Variants in WWP2 observed in about 807,000 individuals in gnomAD.
The protein encoded by WWP2 is WW domain containing E3 ubiquitin protein ligase 2, also known as NEDD4-like E3 ubiquitin-protein ligase WWP2.
In WWP2, 57 loss-of-function variants were observed where a neutral mutation model predicts 121.0. That is an observed-to-expected ratio of 0.47 (90% CI 0.38 to 0.59). WWP2 has a LOEUF of 0.59. WWP2 is among the 20% of genes least tolerant of loss of function. The probability of loss-of-function intolerance (pLI) is 0.00; values close to 1 mark genes in which losing one functional copy is unlikely to be tolerated. For missense variants in WWP2, 962 were observed against 1,158.9 expected (o/e 0.83, Z 2.47); for synonymous variants, 449 against 441.3 (o/e 1.02, Z -0.22).
intron 1 of WWP2, among the ~76,000 whole-genome samples, chr16:69,777,210 T>TACA: frequency 2.7e-5 from 4 of 148,476 alleles, no homozygotes; most frequent in African/African-American, 1.0e-4. Context: ...TATGGAGATA[T>TACA]CATATATGCA....
At chr16:69,873,107 G>A (rs567879539) in intron 7 of WWP2, among the ~76,000 whole-genome samples, 13 of 152,342 alleles carry the variant, frequency 8.5e-5, no homozygotes, top group Non-Finnish European at 1.5e-4. Flanking sequence ...TCTAGTGCTC[G>A]TGACAGCAGA....
At chr16:69,782,615 G>A (rs2055687770) in intron 1 of WWP2, among the ~76,000 whole-genome samples, 1 of 152,164 alleles carries the variant, frequency 6.6e-6, no homozygotes, top group Non-Finnish European at 1.5e-5. Context: ...TATTCCATTT[G>A]CTAAGTACCA....
At chr16:69,789,434 T>C (rs2055861689) in intron 2 of WWP2, among the ~76,000 whole-genome samples, 1 of 152,184 alleles carries the variant, frequency 6.6e-6, no homozygotes. Context: ...TTCACCATAT[T>C]GGGCAGGCTG....
intron 16 of WWP2, chr16:69,933,028 G>T: frequency 4.2e-6 from 2 of 479,110 alleles, no homozygotes; most frequent in South Asian, 1.5e-5. Flanking sequence ...TTTCCGTGGT[G>T]ACCTCCTCTC....
intron 1 of WWP2, among the ~76,000 whole-genome samples, chr16:69,779,637 A>G (rs888824838): frequency 5.3e-5 from 8 of 152,194 alleles, no homozygotes; most frequent in African/African-American, 1.9e-4. Flanking sequence ...CAAAGGCTCA[A>G]AACTGCTACA....
At chr16:69,897,645 C>T (rs2058126706) in intron 8 of WWP2, among the ~76,000 whole-genome samples, 1 of 152,156 alleles carries the variant, frequency 6.6e-6, no homozygotes, top group Non-Finnish European at 1.5e-5. Flanking sequence ...CGCAGTGGCT[C>T]ACGCCTGTAA....
intron 1 of WWP2, among the ~76,000 whole-genome samples, chr16:69,765,797 C>T (rs2038715317): frequency 6.6e-6 from 1 of 152,102 alleles, no homozygotes; most frequent in African/African-American, 2.4e-5. Flanking sequence ...GCACTCCAGC[C>T]TAGGTGATGA....
chr16:69,843,184 A>G (rs774635245), intron 6 of WWP2, among the ~76,000 whole-genome samples: 6 of 151,808 alleles, frequency 4.0e-5, no homozygotes, highest in Non-Finnish European at 8.8e-5. Flanking sequence ...TCTTTGTGCA[A>G]TTTTCTGTCA....
intron 6 of WWP2, among the ~76,000 whole-genome samples, chr16:69,870,498 A>G (rs545986213): frequency 2.0e-5 from 3 of 152,140 alleles, no homozygotes; most frequent in Admixed American, 1.3e-4. Flanking sequence ...GCAGGGTCTC[A>G]TTATGTTGCC....
chr16:69,937,020 T>C lies in WWP2; in HGVS notation c.2118-98T>C. On this transcript the variant is annotated intron_variant, in intron 19 of 23. Coordinates refer to ENST00000359154, the MANE Select transcript of WWP2 (RefSeq NM_001270454.2). This position sits in a 1 kb window ranked among gnomAD's most constrained non-coding sequence, Gnocchi z 6.6. ...GGGTGTGCGAAGTGGGCTCTGCTGA[T>C]CTGGTGGTCCTGCGCGGTAACGGCC... 1 of 1,485,128 alleles carries C rather than the reference T, an allele frequency of 6.7e-7. No individual in the cohort carries two copies. Among genetic ancestry groups the C allele is most frequent in the Non-Finnish European group, 9.0e-7 (1 of 1,109,950 alleles). 92.0% of individuals were successfully genotyped at this position (1,485,128 alleles called of 1,614,324 possible). A position where few individuals can be genotyped will look rare whatever the true frequency, so the allele number is the denominator to read the frequency against.
At chr16:69,802,613 T>G (rs1295671432) in intron 4 of WWP2, among the ~76,000 whole-genome samples, 3 of 151,662 alleles carry the variant, frequency 2.0e-5, no homozygotes, top group East Asian at 1.9e-4. Context: ...TGTTTTTTTT[T>G]TTTTTGAGAC....
chr16:69,904,273 C>T (rs140802474), intron 8 of WWP2, among the ~76,000 whole-genome samples: 11 of 152,232 alleles, frequency 7.2e-5, no homozygotes, highest in Admixed American at 2.0e-4. Flanking sequence ...TCCCCACAGA[C>T]GAAACACCAG....
At chr16:69,816,030 A>C (rs2056483215) in intron 4 of WWP2, among the ~76,000 whole-genome samples, 1 of 152,132 alleles carries the variant, frequency 6.6e-6, no homozygotes, top group Admixed American at 6.6e-5. Context: ...AGGAGGCAGC[A>C]AGGGACAAAA....
At chr16:69,934,350 C>T (rs1465911002) in intron 17 of WWP2, among the ~76,000 whole-genome samples, 1 of 152,080 alleles carries the variant, frequency 6.6e-6, no homozygotes, top group Non-Finnish European at 1.5e-5. Flanking sequence ...CCACCCTTTG[C>T]CCCCATAGAG....
intron 4 of WWP2, among the ~76,000 whole-genome samples, chr16:69,806,150 A>G (rs1292905890): frequency 1.3e-5 from 2 of 152,192 alleles, no homozygotes; most frequent in Non-Finnish European, 2.9e-5. Context: ...GCAGTGAGCT[A>G]TGATTGTGCC....
intron 4 of WWP2, among the ~76,000 whole-genome samples, chr16:69,829,250 G>A (rs796869832): frequency 2.6e-5 from 4 of 152,296 alleles, no homozygotes; most frequent in African/African-American, 9.6e-5. Flanking sequence ...TGCTCTGCCT[G>A]TTTCTGTCCT....
intron 8 of WWP2, among the ~76,000 whole-genome samples, chr16:69,899,991 A>G (rs2058177014): frequency 6.6e-6 from 1 of 152,186 alleles, no homozygotes; most frequent in Non-Finnish European, 1.5e-5. Flanking sequence ...TTTTTAAGGA[A>G]TGAATACCCA....
chr16:69,800,697 T>A (rs550355589), intron 4 of WWP2, among the ~76,000 whole-genome samples: 2 of 151,382 alleles, frequency 1.3e-5, no homozygotes, highest in Non-Finnish European at 2.9e-5. Context: ...CCCAAGTAGC[T>A]GGGATTACAG....
intron 8 of WWP2, 90 bp from the exon 9 acceptor site, chr16:69,908,671 A>T: frequency 6.4e-7 from 1 of 1,565,930 alleles, no homozygotes; most frequent in Non-Finnish European, 8.7e-7. Flanking sequence ...CCTGTAAATT[A>T]GCCACATGAG....
Sources: gnomAD v4.1 joint callset for allele counts (sites outside exome capture counted in the v4.1 genomes callset) on GRCh38, gnomAD v4.1.1 for gene constraint, Gnocchi (gnomAD v3.1) non-coding constraint, MANE v1.5 for transcripts, NCBI Gene and HGNC (gene_info 2026-07-23, HGNC 2026-07-21) for gene names.